The following SYT14 variants were observed in gnomAD, a reference collection of about 807,000 sequenced individuals.
SYT14 encodes the protein synaptotagmin-14.
A neutral mutation model predicts 74.2 loss-of-function variants in SYT14; 32 were observed. The ratio of observed to expected loss-of-function variants is 0.43; its 90% CI spans 0.33 to 0.58. The LOEUF (loss-of-function observed/expected upper bound fraction) is 0.58. Ranked by LOEUF, SYT14 falls within the 20% of genes least tolerant of loss-of-function variation. SYT14 has a pLI of 0.05. For missense variants in SYT14, 791 were observed against 981.8 expected (o/e 0.81, Z 2.60); for synonymous variants, 298 against 337.7 (o/e 0.88, Z 1.29).
intron 2 of SYT14, among the ~76,000 whole-genome samples, chr1:210,012,878 T>C (rs2102919042): frequency 6.6e-6 from 1 of 152,072 alleles, no homozygotes; most frequent in African/African-American, 2.4e-5. Flanking sequence ...ATTTTTGTAC[T>C]TTTAGTAGAG....
intron 7 of SYT14, among the ~76,000 whole-genome samples, chr1:210,154,236 A>G (rs1572389487): frequency 6.6e-6 from 1 of 152,226 alleles, no homozygotes; most frequent in Non-Finnish European, 1.5e-5. Context: ...AAAGATGTCT[A>G]TTTCAGAGGT....
intron 5 of SYT14, among the ~76,000 whole-genome samples, chr1:210,062,235 C>T (rs2081219143): frequency 6.6e-6 from 1 of 151,874 alleles, no homozygotes; most frequent in East Asian, 1.9e-4. Flanking sequence ...ATATGAGTGG[C>T]AGGTTAAAAA....
chr1:209,975,548 T>C (rs2079345422), intron 2 of SYT14, among the ~76,000 whole-genome samples: 1 of 152,222 alleles, frequency 6.6e-6, no homozygotes, highest in Admixed American at 6.5e-5. Context: ...CATCCAGGGA[T>C]GAAACCCACT....
intron 5 of SYT14, among the ~76,000 whole-genome samples, chr1:210,071,441 TA>T (rs1468770858): frequency 6.6e-6 from 1 of 151,996 alleles, no homozygotes; most frequent in Admixed American, 6.6e-5. Flanking sequence ...CCACATTGAA[TA>T]ATATAATTCC....
chr1:209,971,380 T>C (rs2079253569), intron 2 of SYT14, among the ~76,000 whole-genome samples: 1 of 151,940 alleles, frequency 6.6e-6, no homozygotes, highest in South Asian at 2.1e-4. Flanking sequence ...TTCATTTCTT[T>C]CTCTTGCCTG....
chr1:210,092,290 A>G (rs2081883110), intron 5 of SYT14, among the ~76,000 whole-genome samples: 3 of 152,140 alleles, frequency 2.0e-5, no homozygotes, highest in South Asian at 4.2e-4. Context: ...TCATTCTCAT[A>G]CTTGTCACTG....
At chr1:210,149,974 C>T (rs2083125456) in intron 7 of SYT14, among the ~76,000 whole-genome samples, 1 of 152,180 alleles carries the variant, frequency 6.6e-6, no homozygotes, top group Non-Finnish European at 1.5e-5. Flanking sequence ...GCATTCATAT[C>T]TTTCTTATGC....
intron 5 of SYT14, among the ~76,000 whole-genome samples, chr1:210,045,207 A>G (rs535732714): frequency 2.6e-5 from 4 of 152,344 alleles, no homozygotes; most frequent in Admixed American, 1.3e-4. Context: ...TCATCAGTGT[A>G]AGTTAGTCAA....
intron 4 of SYT14, chr1:210,017,146 T>A (rs967638616): frequency 1.9e-6 from 2 of 1,039,788 alleles, no homozygotes; most frequent in African/African-American, 9.0e-5. Flanking sequence ...TTCTCTTGAT[T>A]TTTTTTAAAT....
chr1:210,131,470 A>G (rs1343511970), intron 7 of SYT14, among the ~76,000 whole-genome samples: 2 of 152,062 alleles, frequency 1.3e-5, no homozygotes, highest in African/African-American at 2.4e-5. Context: ...TATACTAAAT[A>G]TCTTTCATGC....
intron 5 of SYT14, among the ~76,000 whole-genome samples, chr1:210,092,856 C>T (rs137969217): frequency 1.7e-3 from 258 of 152,262 alleles, no homozygotes; most frequent in African/African-American, 6.0e-3. Flanking sequence ...ATTTCCCACA[C>T]AATATAGTAT....
chr1:210,039,959 GA>G (rs2080751828), intron 5 of SYT14, among the ~76,000 whole-genome samples: 1 of 152,152 alleles, frequency 6.6e-6, no homozygotes, highest in African/African-American at 2.4e-5. Context: ...AACCATTGTG[GA>G]AGACAGTGTG....
intron 5 of SYT14, among the ~76,000 whole-genome samples, chr1:210,081,821 T>A (rs1283744932): frequency 6.6e-6 from 1 of 152,162 alleles, no homozygotes; most frequent in African/African-American, 2.4e-5. Context: ...AATCCTATAA[T>A]CATAATAGCA....
chr1:210,163,166 TGTAACAGAGCTTA>T (rs746780876), exon 10 of SYT14: 171 of 453,772 alleles, frequency 3.8e-4, no homozygotes, highest in Admixed American at 7.0e-4. Context: ...TATCTGTAAC[TGTAACAGAGCTTA>T]GTGAAACACA....
At chr1:210,163,311 T>C in exon 10 of SYT14, 1 of 453,760 alleles carries the variant, frequency 2.2e-6, no homozygotes, top group Non-Finnish European at 4.4e-6. Flanking sequence ...GATACATCCC[T>C]AGGGATTTAT....
chr1:210,107,655 A>G (rs1215929812), intron 7 of SYT14, among the ~76,000 whole-genome samples: 1 of 152,214 alleles, frequency 6.6e-6, no homozygotes, highest in Non-Finnish European at 1.5e-5. Flanking sequence ...ATAATCAGCA[A>G]GGAAGAAATA....
chr1:209,969,299 A>C (rs937828083), intron 2 of SYT14, among the ~76,000 whole-genome samples: 1 of 151,974 alleles, frequency 6.6e-6, no homozygotes, highest in Non-Finnish European at 1.5e-5. Context: ...GCTCTGTTTC[A>C]AGTTATCTGA....
At chr1:210,012,038 A>G (rs2102915793) in intron 2 of SYT14, among the ~76,000 whole-genome samples, 1 of 152,244 alleles carries the variant, frequency 6.6e-6, no homozygotes, top group South Asian at 2.1e-4. Context: ...TTGAGACCAA[A>G]TTCTCTTGAA....
At chr1:210,152,482 ATATT>A (rs2083184387) in intron 7 of SYT14, among the ~76,000 whole-genome samples, 1 of 152,160 alleles carries the variant, frequency 6.6e-6, no homozygotes, top group South Asian at 2.1e-4. Context: ...AAAGTTCTGT[ATATT>A]TATTTTTATC....
Sources: allele counts gnomAD v4.1 joint callset (sites outside exome capture counted in the v4.1 genomes callset), GRCh38; gene constraint gnomAD v4.1.1; transcripts MANE v1.5; gene names NCBI Gene and HGNC (gene_info 2026-07-23, HGNC 2026-07-21).